The following CHD7 variants were observed in gnomAD, a reference collection of about 807,000 sequenced individuals.
CHD7 encodes ATP-dependent chromatin remodeler CHD7.
In CHD7, 24 loss-of-function variants were observed where a neutral mutation model predicts 307.3. That is an observed-to-expected ratio of 0.08 (90% confidence interval 0.06 to 0.11). The LOEUF (loss-of-function observed/expected upper bound fraction) is 0.11, where lower values mean the gene tolerates loss of function less well. CHD7 is among the 10% of genes least tolerant of loss of function. The pLI is 1.00. For missense variants in CHD7, 3,106 were observed against 3,727.1 expected (o/e 0.83, Z 4.34); for synonymous variants, 1,363 against 1,349.9 (o/e 1.01, Z -0.21).
intron 7 of CHD7, among the ~76,000 whole-genome samples, chr8:60,813,097 T>A (rs1277966528): frequency 6.6e-6 from 1 of 152,204 alleles, no homozygotes; most frequent in African/African-American, 2.4e-5. Flanking sequence ...GTTTTAAATA[T>A]TTTCTTATAC....
At chr8:60,724,193 A>G (rs1296557385) in intron 1 of CHD7, among the ~76,000 whole-genome samples, 1 of 152,226 alleles carries the variant, frequency 6.6e-6, no homozygotes, top group Non-Finnish European at 1.5e-5. Context: ...CCTTTCAGCC[A>G]GCCTGTTTCT....
At chr8:60,755,997 A>C (rs1349610178) in intron 2 of CHD7, among the ~76,000 whole-genome samples, 2 of 152,252 alleles carry the variant, frequency 1.3e-5, no homozygotes, top group African/African-American at 4.8e-5. Flanking sequence ...GGTAGCCACT[A>C]GCCACAAATG....
At chr8:60,775,516 A>G (rs2150656463) in intron 2 of CHD7, among the ~76,000 whole-genome samples, 1 of 152,366 alleles carries the variant, frequency 6.6e-6, no homozygotes, top group Middle Eastern at 3.4e-3. Flanking sequence ...ACAGATGGAC[A>G]GATACACATG....
At chr8:60,705,413 ATTTG>A (rs1410715621) in intron 1 of CHD7, among the ~76,000 whole-genome samples, 4 of 152,196 alleles carry the variant, frequency 2.6e-5, no homozygotes, top group African/African-American at 4.8e-5. Context: ...AAACATGCTT[ATTTG>A]TTCTTTCACA....
chr8:60,842,361 T>C (rs1408200831), intron 21 of CHD7, among the ~76,000 whole-genome samples: 2 of 152,248 alleles, frequency 1.3e-5, no homozygotes, highest in African/African-American at 2.4e-5. Context: ...AATTATGTAA[T>C]CTTTTCTCAC....
At chr8:60,693,674 C>T (rs1806314011) in intron 1 of CHD7, among the ~76,000 whole-genome samples, 2 of 152,250 alleles carry the variant, frequency 1.3e-5, no homozygotes, top group South Asian at 2.1e-4. Flanking sequence ...CCCATTACCA[C>T]ATTCCTGACA....
chr8:60,694,010 C>T (rs762120242), intron 1 of CHD7, among the ~76,000 whole-genome samples: 9 of 152,308 alleles, frequency 5.9e-5, no homozygotes, highest in South Asian at 2.1e-4. Flanking sequence ...GACTCATAAG[C>T]GTGAACTTTT....
chr8:60,711,170 G>C (rs1428706395), intron 1 of CHD7, among the ~76,000 whole-genome samples: 1 of 152,206 alleles, frequency 6.6e-6, no homozygotes, highest in Non-Finnish European at 1.5e-5. Flanking sequence ...TGACTGTCCA[G>C]CTTTAAAGTG....
chr8:60,742,660 C>T lies in CHD7; in HGVS notation c.1228C>T (p.Pro410Ser), dbSNP rs763637398. 1.2e-6 allele frequency: 2 copies of T among 1,610,646 alleles called. No homozygotes were observed. The highest frequency in any genetic ancestry group is 1.7e-6 in the Non-Finnish European group (2 of 1,177,558). ...KAMSNPAGTP[P>S]PQVRPGSAGI... is the part of the protein sequence containing the mutation. The stretch of plus-strand genomic sequence containing the variant: ...AATGAGTAATCCAGCAGGCACTCCT[C>T]CTCCACAAGTCAGGCCGGGAAGTGC... The change falls in exon 2 of 38, where the codon CCT (proline) becomes TCT (serine). Residue 410 changes from proline (P) to serine (S), a missense_variant. Physicochemically the swap from Pro to Ser is moderately conservative, Grantham distance 74. Transcript: ENST00000423902.
At chr8:60,791,326 C>T (rs1811761943) in intron 3 of CHD7, among the ~76,000 whole-genome samples, 1 of 152,238 alleles carries the variant, frequency 6.6e-6, no homozygotes, top group Admixed American at 6.5e-5. Flanking sequence ...TTCCAACTCA[C>T]AGGCTGCCAT....
Position 60,715,136 on chromosome 8 carries a change from C to T in CHD7, c.-174-26123C>T, listed in dbSNP as rs534592324. Among the ~76,000 whole-genome samples, 7 of 152,208 alleles carry T rather than the reference C, an allele frequency of 4.6e-5. No homozygotes were observed. In the East Asian group the frequency reaches 9.6e-4, roughly 21 times the overall value. On this transcript the variant is annotated intron_variant, in intron 1 of 37. Transcript: ENST00000423902. The stretch of plus-strand genomic sequence containing the variant: ...ATAGCTGATGTTAAAAAATGAGAGC[C>T]GCCACATTGACACTATTTGCTTCCG...
chr8:60,728,408 G>A (rs1287659551), intron 1 of CHD7, among the ~76,000 whole-genome samples: 1 of 149,370 alleles, frequency 6.7e-6, no homozygotes, highest in African/African-American at 2.4e-5. Flanking sequence ...CCATGTTTTT[G>A]TGGCAGGAGG....
At chr8:60,846,439 T>TA (rs1805214097) in intron 23 of CHD7, among the ~76,000 whole-genome samples, 1 of 152,372 alleles carries the variant, frequency 6.6e-6, no homozygotes, top group African/African-American at 2.4e-5. Flanking sequence ...CAGTTCCTAT[T>TA]AAACTAACAT....
At chr8:60,706,966 CTG>C (rs1807053051) in intron 1 of CHD7, among the ~76,000 whole-genome samples, 2 of 152,152 alleles carry the variant, frequency 1.3e-5, no homozygotes, top group Non-Finnish European at 2.9e-5. Context: ...CTATTCCTCC[CTG>C]CTCCCCCCAC....
intron 4 of CHD7, 60 bp downstream of exon 4, chr8:60,795,187 G>T: frequency 6.5e-7 from 1 of 1,544,124 alleles, no homozygotes; most frequent in Non-Finnish European, 8.9e-7. Flanking sequence ...CTTTAGCCAT[G>T]TATGAAGTAC....
Position 60,742,125 on chromosome 8 carries a change from A to G in CHD7, c.693A>G (p.Gly231=). ...GAAATCCTTTTATTGCCACCTCAGG[A>G]CCTGGCCACTTGTCCCACGTGCCCC... ...NQGNPFIATS[G]PGHLSHVPQQ... is the part of the protein sequence containing the mutation. The change falls in exon 2 of 38, where the codon GGA becomes GGG. Residue 231 remains glycine, a synonymous_variant. Coordinates refer to ENST00000423902, the MANE Select transcript of CHD7 (RefSeq NM_017780.4). 1 of 1,613,944 alleles carries G rather than the reference A, an allele frequency of 6.2e-7. No individual in the cohort carries two copies. The highest frequency in any genetic ancestry group is 8.5e-7 in the Non-Finnish European group (1 of 1,179,872).
intron 35 of CHD7, chr8:60,861,344 G>T: frequency 2.0e-6 from 1 of 491,052 alleles, no homozygotes; most frequent in Non-Finnish European, 3.6e-6. Flanking sequence ...ATTTGAAGAT[G>T]CGCGTTATGC....
At chr8:60,690,063 G>C (rs1806117313) in intron 1 of CHD7, among the ~76,000 whole-genome samples, 1 of 152,060 alleles carries the variant, frequency 6.6e-6, no homozygotes. Context: ...CTGCTTCTGT[G>C]AACACACAGG....
chr8:60,750,354 T>C (rs1809574513), intron 2 of CHD7, among the ~76,000 whole-genome samples: 1 of 152,134 alleles, frequency 6.6e-6, no homozygotes, highest in African/African-American at 2.4e-5. Context: ...TAAGGAGAGA[T>C]TGCTGGTATG....
Sources: allele counts gnomAD v4.1 joint callset (sites outside exome capture counted in the v4.1 genomes callset), GRCh38; gene constraint gnomAD v4.1.1; transcripts MANE v1.5; gene names NCBI Gene and HGNC (gene_info 2026-07-23, HGNC 2026-07-21).